WDFY3: variants seen among roughly 807,000 people sequenced by gnomAD.
The protein encoded by WDFY3 is WD repeat and FYVE domain containing 3.
A neutral mutation model predicts 409.6 loss-of-function variants in WDFY3; 66 were observed. The observed-to-expected ratio is 0.16, with a 90% CI of 0.13 to 0.20. The LOEUF is 0.20. Ranked by LOEUF, WDFY3 falls within the 10% of genes least tolerant of loss-of-function variation. The probability of loss-of-function intolerance (pLI) is 1.00; values close to 1 mark genes in which losing one functional copy is unlikely to be tolerated. For missense variants in WDFY3, 3,031 were observed against 4,298.1 expected, an observed-to-expected ratio of 0.71 and a Z score of 8.24; for synonymous variants, 1,521 against 1,537.1, an observed-to-expected ratio of 0.99 and a Z score of 0.25.
At chr4:84,959,012 TATA>T (rs1774586192) in intron 1 of WDFY3, among the ~76,000 whole-genome samples, 1 of 152,226 alleles carries the variant, frequency 6.6e-6, no homozygotes, top group Non-Finnish European at 1.5e-5. Flanking sequence ...TACTATGTAT[TATA>T]ATAATTGACA....
chr4:84,689,643 A>G (rs1728918336), intron 61 of WDFY3, among the ~76,000 whole-genome samples: 1 of 152,202 alleles, frequency 6.6e-6, no homozygotes, highest in African/African-American at 2.4e-5. Context: ...ATAGCTTTGA[A>G]GTCAGACAGA....
chr4:84,809,094 G>C (rs554414879), intron 14 of WDFY3: 2 of 152,200 alleles, frequency 1.3e-5, no homozygotes, highest in South Asian at 4.2e-4. Flanking sequence ...AATAACACTT[G>C]GGGCATAAAT....
intron 34 of WDFY3, 105 bp downstream of exon 34, chr4:84,755,161 T>A: frequency 6.8e-7 from 1 of 1,473,054 alleles, no homozygotes; most frequent in Non-Finnish European, 9.2e-7. Context: ...CCAGAGATCA[T>A]GCAGTAAATA....
chr4:84,860,034 C>T (rs914622090), intron 4 of WDFY3, among the ~76,000 whole-genome samples: 4 of 152,138 alleles, frequency 2.6e-5, no homozygotes, highest in Admixed American at 2.6e-4. Flanking sequence ...TTAAAGTATA[C>T]AAAGGGCTTG....
At chr4:84,837,130 A>G (rs1361888918) in intron 6 of WDFY3, 40 bp from the exon 7 acceptor site, 3 of 1,410,372 alleles carry the variant, frequency 2.1e-6, no homozygotes, top group Non-Finnish European at 2.8e-6. Context: ...AGATAGACAC[A>G]ACTATAATTG....
rs192818423 is a variant in WDFY3, at chr4:84,774,070, A to T, written c.4754+750T>A. Among the ~76,000 whole-genome samples the T allele has an allele frequency of 2.2e-3, 334 of 152,338 alleles. 7 individuals carry two copies. Among genetic ancestry groups the T allele is most frequent in the Non-Finnish European group, 3.7e-4 (25 of 68,026 alleles). On this transcript the variant is annotated intron_variant, in intron 29 of 67. Coordinates refer to ENST00000295888, the MANE Select transcript of WDFY3 (RefSeq NM_014991.6). Reference sequence around the variant, plus strand: ...AGGCAAATTAATAAAAAAGTGAGTGACTTACAAACTATACAGATTAGAGGT... The same window carrying T: ...AGGCAAATTAATAAAAAAGTGAGTGTCTTACAAACTATACAGATTAGAGGT...
intron 64 of WDFY3, among the ~76,000 whole-genome samples, chr4:84,679,841 T>TACACAC (rs954549793): frequency 2.1e-5 from 3 of 141,304 alleles, no homozygotes; most frequent in African/African-American, 7.9e-5. Context: ...TATATATATA[T>TACACAC]ACACACACAC....
intron 3 of WDFY3, among the ~76,000 whole-genome samples, chr4:84,893,195 T>A (rs1455001103): frequency 1.3e-5 from 2 of 152,188 alleles, no homozygotes; most frequent in Non-Finnish European, 2.9e-5. Flanking sequence ...ACCTCCTCTA[T>A]TCTGCTGCTT....
At chr4:84,787,753 C>T in intron 22 of WDFY3, 40 bp from the exon 23 acceptor site, 2 of 1,523,526 alleles carry the variant, frequency 1.3e-6, no homozygotes, top group Non-Finnish European at 1.8e-6. Flanking sequence ...GATGTGAACA[C>T]TTTCCCCAGG....
At chr4:84,695,775 A>G in intron 58 of WDFY3, among the ~76,000 whole-genome samples, 195 bp downstream of exon 58, 1 of 152,168 alleles carries the variant, frequency 6.6e-6, no homozygotes, top group East Asian at 1.9e-4. Flanking sequence ...TTCTCTTTAA[A>G]CAAAAATTTT....
At chr4:84,765,504 A>ATTG (rs1441582016) in intron 32 of WDFY3, among the ~76,000 whole-genome samples, 16 of 152,134 alleles carry the variant, frequency 1.1e-4, no homozygotes, top group African/African-American at 3.1e-4. Flanking sequence ...TATTATTATT[A>ATTG]TTAATTTAGT....
At chr4:84,767,821 C>T (rs759886027) in intron 30 of WDFY3, among the ~76,000 whole-genome samples, 11 of 152,060 alleles carry the variant, frequency 7.2e-5, no homozygotes, top group African/African-American at 9.7e-5. Flanking sequence ...TGCACTGGCT[C>T]GTGACTGTAA....
rs1285870471 is a variant in WDFY3, at chr4:84,740,176, A to G, written c.6464+11T>C. On this transcript the variant is annotated intron_variant, in intron 39 of 67. Transcript: ENST00000295888. ...AAATTTAACATGGCAAACTGAACCT[A>G]AAGGATTTACCTTCCAACATGTAGA... is the stretch of plus-strand genomic sequence containing the variant. 6.2e-7 allele frequency: 1 copy of G among 1,613,524 alleles called. No individual in the cohort carries two copies. Among genetic ancestry groups the G allele is most frequent in the Non-Finnish European group, 8.5e-7 (1 of 1,179,508 alleles).
intron 24 of WDFY3, among the ~76,000 whole-genome samples, chr4:84,783,845 T>C (rs1164985165): frequency 6.7e-6 from 1 of 149,608 alleles, no homozygotes; most frequent in Non-Finnish European, 1.5e-5. Context: ...TCCTTAGATA[T>C]GTATATGTGT....
intron 2 of WDFY3, among the ~76,000 whole-genome samples, chr4:84,900,776 G>T (rs2150610621): frequency 6.6e-6 from 1 of 152,244 alleles, no homozygotes; most frequent in South Asian, 2.1e-4. Flanking sequence ...ACACTTATCT[G>T]CACATGTATC....
intron 52 of WDFY3, 96 bp from the exon 53 acceptor site, chr4:84,709,124 T>C: frequency 4.0e-6 from 6 of 1,509,794 alleles, no homozygotes; most frequent in Non-Finnish European, 5.4e-6. Flanking sequence ...AAGGACAGTT[T>C]CTTTTTAACA....
In WDFY3 at chr4:84,786,092, C is replaced by T. The variant is rs763744745; in HGVS notation, c.3949G>A (p.Val1317Ile). ...EGVVPSPVSL[V>I]PEEKVSFGLY... ...CCAAATGACACTTTCTCCTCTGGTA[C>T]TAATGACACAGGGGATGGCACCACC... Residue 1317 changes from valine to isoleucine, a missense_variant, in exon 24 of 68, where the codon GTA becomes ATA. By Grantham distance (29) the Val-to-Ile change is conservative. Around this residue, in one of 16 missense-constraint regions of WDFY3, gnomAD observed 1,322 missense variants for 1,697.9 expected, o/e 0.78. Transcript: ENST00000295888. 1.4e-5 allele frequency: 23 copies of T among 1,613,300 alleles called. No individual in the cohort carries two copies. Among genetic ancestry groups the T allele is most frequent in the Admixed American group, 3.3e-5 (2 of 59,860 alleles).
At chr4:84,952,260 A>AT (rs1773704352) in intron 1 of WDFY3, among the ~76,000 whole-genome samples, 1 of 152,158 alleles carries the variant, frequency 6.6e-6, no homozygotes, top group Admixed American at 6.5e-5. Context: ...CACTGAACTT[A>AT]TTTACTCTGG....
At chr4:84,942,169 T>A (rs1201036387) in intron 1 of WDFY3, among the ~76,000 whole-genome samples, 1 of 151,674 alleles carries the variant, frequency 6.6e-6, no homozygotes, top group Non-Finnish European at 1.5e-5. Flanking sequence ...ATATAAAAAG[T>A]AAAAACTATA....
Sources: allele counts gnomAD v4.1 joint callset (sites outside exome capture counted in the v4.1 genomes callset), GRCh38; gene constraint gnomAD v4.1.1; regional missense constraint gnomAD v4.1.1; transcripts MANE v1.5; gene names NCBI Gene and HGNC (gene_info 2026-07-23, HGNC 2026-07-21).